LRFN5: variants seen among roughly 807,000 people sequenced by gnomAD.
LRFN5 encodes the protein leucine-rich repeat and fibronectin type-III domain-containing protein 5.
In LRFN5, 24 loss-of-function variants were observed where a neutral mutation model predicts 45.6. That is an observed-to-expected ratio of 0.53 (90% CI 0.38 to 0.74). The LOEUF (loss-of-function observed/expected upper bound fraction) is 0.74. Ranked by LOEUF, LRFN5 falls within the 30% of genes least tolerant of loss-of-function variation. LRFN5 has a pLI of 0.00. For missense variants in LRFN5, 776 were observed against 861.5 expected, an observed-to-expected ratio of 0.90 and a Z score of 1.24; for synonymous variants, 340 against 313.8, an observed-to-expected ratio of 1.08 and a Z score of -0.88.
chr14:41,709,713 A>G (rs966506770), intron 1 of LRFN5, among the ~76,000 whole-genome samples: 2 of 152,056 alleles, frequency 1.3e-5, no homozygotes, highest in African/African-American at 4.8e-5. Flanking sequence ...TTTTAGGAAC[A>G]TATAGCCAAA....
chr14:41,654,942 T>C (rs1276961237), intron 1 of LRFN5, among the ~76,000 whole-genome samples: 1 of 152,064 alleles, frequency 6.6e-6, no homozygotes, highest in Non-Finnish European at 1.5e-5. Flanking sequence ...CAGGTTTTCT[T>C]CAATATCTGC....
chr14:41,676,406 CT>C (rs1427323718), intron 1 of LRFN5, among the ~76,000 whole-genome samples: 3 of 152,336 alleles, frequency 2.0e-5, no homozygotes, highest in African/African-American at 7.2e-5. Context: ...AAGGATTTGA[CT>C]TTGCAAAAGA....
chr14:41,889,322 G>T (rs925399193), intron 3 of LRFN5, among the ~76,000 whole-genome samples: 1 of 151,902 alleles, frequency 6.6e-6, no homozygotes, highest in African/African-American at 2.4e-5. Flanking sequence ...ATATGGCTGA[G>T]TTTCAATTCC....
chr14:41,862,116 C>T (rs1201560238), intron 2 of LRFN5, among the ~76,000 whole-genome samples: 1 of 152,182 alleles, frequency 6.6e-6, no homozygotes, highest in Non-Finnish European at 1.5e-5. Context: ...TTTCTGAGAC[C>T]TCTCCAGCCA....
At chr14:41,868,803 T>G (rs186713445) in intron 2 of LRFN5, among the ~76,000 whole-genome samples, 2 of 152,286 alleles carry the variant, frequency 1.3e-5, no homozygotes, top group East Asian at 3.9e-4. Context: ...GCATAAAACA[T>G]ACATGTGTAG....
intron 4 of LRFN5, among the ~76,000 whole-genome samples, chr14:41,896,121 A>G (rs1380722722): frequency 6.6e-6 from 1 of 152,162 alleles, no homozygotes; most frequent in Non-Finnish European, 1.5e-5. Context: ...TAGCTCTTAA[A>G]TTTAAGTTTT....
intron 2 of LRFN5, among the ~76,000 whole-genome samples, chr14:41,805,523 A>G (rs1422023694): frequency 6.6e-6 from 1 of 151,262 alleles, no homozygotes; most frequent in Non-Finnish European, 1.5e-5. Context: ...GTCATCTAGC[A>G]TTAGGTATAT....
chr14:41,742,286 G>A (rs1884730634), intron 1 of LRFN5, among the ~76,000 whole-genome samples: 1 of 147,422 alleles, frequency 6.8e-6, no homozygotes, highest in Non-Finnish European at 1.5e-5. Context: ...TTTATTAAAA[G>A]ATTAATGAAG....
chr14:41,732,783 C>CA (rs140631411), intron 1 of LRFN5, among the ~76,000 whole-genome samples: 37,498 of 140,926 alleles, frequency 0.27, 5,318 homozygotes, highest in African/African-American at 0.4. Context: ...ATCTACTAGA[C>CA]AAAAAAAAAA....
At chr14:41,649,053 G>A (rs1171112711) in intron 1 of LRFN5, among the ~76,000 whole-genome samples, 1 of 152,110 alleles carries the variant, frequency 6.6e-6, no homozygotes, top group African/African-American at 2.4e-5. Context: ...CCAACATGGC[G>A]ATACCCCGTC....
chr14:41,760,041 CTG>C (rs1885594622), intron 1 of LRFN5, among the ~76,000 whole-genome samples: 1 of 152,140 alleles, frequency 6.6e-6, no homozygotes, highest in African/African-American at 2.4e-5. Flanking sequence ...AACCAAGAAA[CTG>C]TCATTCGTAC....
chr14:41,829,564 C>CT (rs1157274521), intron 2 of LRFN5, among the ~76,000 whole-genome samples: 1 of 151,518 alleles, frequency 6.6e-6, no homozygotes, highest in Admixed American at 6.6e-5. Context: ...GGTTGTGTTC[C>CT]TCTTGATTTT....
At chr14:41,760,007 T>C (rs537964151) in intron 1 of LRFN5, among the ~76,000 whole-genome samples, 1 of 152,318 alleles carries the variant, frequency 6.6e-6, no homozygotes, top group East Asian at 1.9e-4. Flanking sequence ...GGTTACATCT[T>C]GCATAACTGT....
At chr14:41,634,052 C>G (rs1888643210) in intron 1 of LRFN5, among the ~76,000 whole-genome samples, 1 of 152,094 alleles carries the variant, frequency 6.6e-6, no homozygotes. Context: ...TTTGCTTTGC[C>G]TCTATTATAA....
At chr14:41,628,448 T>G (rs1389551666) in intron 1 of LRFN5, among the ~76,000 whole-genome samples, 2 of 152,002 alleles carry the variant, frequency 1.3e-5, no homozygotes, top group Non-Finnish European at 2.9e-5. Context: ...ACAAAAAAAA[T>G]TAATAACTTG....
intron 1 of LRFN5, among the ~76,000 whole-genome samples, chr14:41,749,111 A>C (rs1342493154): frequency 6.6e-6 from 1 of 152,076 alleles, no homozygotes; most frequent in Non-Finnish European, 1.5e-5. Flanking sequence ...ATGTAATTTA[A>C]CCATTTACGA....
At chr14:41,672,592 C>A (rs1389028940) in intron 1 of LRFN5, among the ~76,000 whole-genome samples, 1 of 152,196 alleles carries the variant, frequency 6.6e-6, no homozygotes, top group Non-Finnish European at 1.5e-5. Flanking sequence ...TCTTATGTGT[C>A]ATGCACCCAT....
At chr14:41,751,075 T>A (rs531652393) in intron 1 of LRFN5, among the ~76,000 whole-genome samples, 1 of 151,878 alleles carries the variant, frequency 6.6e-6, no homozygotes, top group East Asian at 2.0e-4. Context: ...ATGCTACTTT[T>A]AAAACCATCA....
chr14:41,723,197 A>G (rs1025436616), intron 1 of LRFN5, among the ~76,000 whole-genome samples: 2 of 151,950 alleles, frequency 1.3e-5, no homozygotes, highest in African/African-American at 4.8e-5. Flanking sequence ...AATGCCTGGA[A>G]ATCTGCGTGG....
Sources: allele counts gnomAD v4.1 joint callset (sites outside exome capture counted in the v4.1 genomes callset), GRCh38; gene constraint gnomAD v4.1.1; transcripts MANE v1.5; gene names NCBI Gene and HGNC (gene_info 2026-07-23, HGNC 2026-07-21).